The following DOCK1 variants were observed in gnomAD, a reference collection of about 807,000 sequenced individuals.
DOCK1 encodes the protein dedicator of cytokinesis 1.
Under a neutral mutation model 262.7 loss-of-function variants are expected in DOCK1, and 138 were observed. The observed-to-expected ratio is 0.53, with a 90% CI of 0.46 to 0.61. The LOEUF is 0.61. DOCK1 is among the 20% of genes least tolerant of loss of function. The probability of loss-of-function intolerance (pLI) is 0.00; values close to 1 mark genes in which losing one functional copy is unlikely to be tolerated. For synonymous variants in DOCK1, 866 were observed against 867.4 expected, an observed-to-expected ratio of 1.00 and a Z score of 0.03; for missense variants, 1,908 against 2,370.7, an observed-to-expected ratio of 0.80 and a Z score of 4.05.
chr10:127,110,505 A>G (rs555952921), intron 25 of DOCK1, among the ~76,000 whole-genome samples, 151 bp downstream of exon 25: 44 of 152,346 alleles, frequency 2.9e-4, no homozygotes, highest in African/African-American at 9.9e-4. Flanking sequence ...AGCCCTTACA[A>G]GAGAAGGGTA....
At chr10:127,089,765 G>C (rs747588335) in intron 23 of DOCK1, among the ~76,000 whole-genome samples, 3 of 152,208 alleles carry the variant, frequency 2.0e-5, no homozygotes, top group Non-Finnish European at 2.9e-5. Context: ...CCCAGTGCTG[G>C]CGTGTGGACA....
intron 1 of DOCK1, among the ~76,000 whole-genome samples, chr10:126,911,443 A>G (rs945705506): frequency 6.6e-6 from 1 of 152,210 alleles, no homozygotes; most frequent in African/African-American, 2.4e-5. Flanking sequence ...AAGAGACATC[A>G]TGGAGTGGAA....
At chr10:127,137,586 C>T (rs922448789) in intron 27 of DOCK1, 99 of 392,176 alleles carry the variant, frequency 2.5e-4, no homozygotes, top group African/African-American at 1.6e-3. Context: ...TCTTTGACTA[C>T]GTAAGTTTCA....
chr10:127,315,238 C>T (rs1256212312), intron 29 of DOCK1, among the ~76,000 whole-genome samples: 3 of 152,172 alleles, frequency 2.0e-5, no homozygotes, highest in East Asian at 1.9e-4. Flanking sequence ...GCTATATCCA[C>T]GGGAACCTGT....
intron 38 of DOCK1, among the ~76,000 whole-genome samples, chr10:127,393,730 C>T (rs1037000366): frequency 2.6e-5 from 4 of 152,172 alleles, no homozygotes; most frequent in Non-Finnish European, 5.9e-5. Flanking sequence ...TGTATTTCTT[C>T]CCCACGGAAT....
chr10:127,354,052 A>G (rs1372911409), intron 31 of DOCK1, among the ~76,000 whole-genome samples: 1 of 152,216 alleles, frequency 6.6e-6, no homozygotes, highest in Admixed American at 6.5e-5. Context: ...TCACAAACTA[A>G]TAAAGGTTTA....
intron 1 of DOCK1, among the ~76,000 whole-genome samples, chr10:126,931,164 G>A (rs1270456428): frequency 1.3e-5 from 2 of 152,312 alleles, no homozygotes; most frequent in East Asian, 3.9e-4. Flanking sequence ...TAATCCCAGA[G>A]GATGGTGGGT....
At chr10:127,089,088 G>T (rs2047364478) in intron 23 of DOCK1, among the ~76,000 whole-genome samples, 1 of 152,190 alleles carries the variant, frequency 6.6e-6, no homozygotes, top group East Asian at 1.9e-4. Flanking sequence ...AAGCTAGGCG[G>T]CTCCCCTGTG....
At chr10:127,432,736 T>C (rs890384996) in intron 47 of DOCK1, among the ~76,000 whole-genome samples, 1 of 151,380 alleles carries the variant, frequency 6.6e-6, no homozygotes, top group African/African-American at 2.4e-5. Flanking sequence ...GGAGAAGCTT[T>C]AGCAACTTCA....
chr10:127,343,919 A>G (rs1364489005), intron 31 of DOCK1, among the ~76,000 whole-genome samples, 173 bp downstream of exon 31: 1 of 152,210 alleles, frequency 6.6e-6, no homozygotes, highest in Non-Finnish European at 1.5e-5. Context: ...ATGAATCAAG[A>G]TCTAAAATTG....
At chr10:127,364,378 A>AT (rs942483166) in intron 33 of DOCK1, among the ~76,000 whole-genome samples, 10 of 150,268 alleles carry the variant, frequency 6.7e-5, no homozygotes, top group African/African-American at 9.8e-5. Flanking sequence ...TTTTTTTTTT[A>AT]TTTTTTTGAG....
At chr10:127,028,792 T>C (rs61873969) in intron 16 of DOCK1, among the ~76,000 whole-genome samples, 6,501 of 152,170 alleles carry the variant, frequency 0.043, 184 homozygotes, top group Middle Eastern at 0.068. Flanking sequence ...CGGAGGGTGC[T>C]GGTGGAATGG....
chr10:127,043,349 T>C (rs771254818), intron 21 of DOCK1, among the ~76,000 whole-genome samples, 185 bp downstream of exon 21: 3 of 152,246 alleles, frequency 2.0e-5, no homozygotes, highest in South Asian at 2.1e-4. Flanking sequence ...GAAAGAGATA[T>C]GTGATAAATC....
chr10:127,120,051 G>A (rs1057492218), intron 25 of DOCK1, among the ~76,000 whole-genome samples: 1 of 152,244 alleles, frequency 6.6e-6, no homozygotes, highest in African/African-American at 2.4e-5. Context: ...CCGTGAAAGG[G>A]TGGCTGGTGT....
chr10:126,915,981 A>G (rs374783510), intron 1 of DOCK1, among the ~76,000 whole-genome samples: 3 of 152,314 alleles, frequency 2.0e-5, no homozygotes, highest in East Asian at 3.9e-4. Flanking sequence ...TATGTATGCA[A>G]TGAGAAAGGC....
intron 26 of DOCK1, among the ~76,000 whole-genome samples, chr10:127,126,967 C>A (rs1398550924): frequency 1.3e-5 from 2 of 152,146 alleles, no homozygotes; most frequent in African/African-American, 4.8e-5. Context: ...GGGGCATTGC[C>A]TTTGGAGAGG....
chr10:127,225,576 T>C (rs1009852032), intron 27 of DOCK1, among the ~76,000 whole-genome samples: 4 of 152,256 alleles, frequency 2.6e-5, no homozygotes, highest in African/African-American at 9.6e-5. Context: ...GCTAATTAAC[T>C]ACACACCAGA....
At chr10:127,169,349 C>T (rs1363675130) in intron 27 of DOCK1, among the ~76,000 whole-genome samples, 1 of 152,212 alleles carries the variant, frequency 6.6e-6, no homozygotes, top group Non-Finnish European at 1.5e-5. Flanking sequence ...TTGCCTGGCA[C>T]AGTGTCCATC....
chr10:127,175,501 C>G lies in DOCK1; in HGVS notation c.2847+47737C>G. 1 of 1,608,790 alleles carries G rather than the reference C, an allele frequency of 6.2e-7. No homozygotes were observed. Among genetic ancestry groups the G allele is most frequent in the Non-Finnish European group, 8.5e-7 (1 of 1,179,984 alleles). On this transcript the variant is annotated intron_variant, in intron 27 of 51. Transcript: ENST00000623213. The surrounding 1 kb of genome is among the most constrained non-coding windows in gnomAD (Gnocchi z 6.3). ...CAGGCCAGGGCAGTTTCCGAGGGCG[C>G]CTGGAGCCCGTTGAGATGTGTGGCT... is the stretch of plus-strand genomic sequence containing the variant.
Sources: allele counts gnomAD v4.1 joint callset (sites outside exome capture counted in the v4.1 genomes callset), GRCh38; gene constraint gnomAD v4.1.1; non-coding constraint Gnocchi (gnomAD v3.1); transcripts MANE v1.5; gene names NCBI Gene and HGNC (gene_info 2026-07-23, HGNC 2026-07-21).